SYCP2: variants seen among roughly 807,000 people sequenced by gnomAD.
SYCP2 encodes the protein synaptonemal complex lateral element protein.
SYCP2 carries 55 observed loss-of-function variants against 211.3 expected under a neutral mutation model. The ratio of observed to expected loss-of-function variants is 0.26; its 90% CI spans 0.21 to 0.33. SYCP2 has a LOEUF of 0.33. Among genes scored for constraint, SYCP2 ranks in the 10% least tolerant of loss-of-function variants. The probability of loss-of-function intolerance (pLI) is 1.00; values close to 1 mark genes in which losing one functional copy is unlikely to be tolerated. For missense variants in SYCP2, 1,731 were observed against 1,752.0 expected, an observed-to-expected ratio of 0.99 and a Z score of 0.21; for synonymous variants, 570 against 555.2, an observed-to-expected ratio of 1.03 and a Z score of -0.37.
chr20:59,884,198 T>C (rs1043063709), intron 26 of SYCP2, among the ~76,000 whole-genome samples: 13 of 152,068 alleles, frequency 8.5e-5, no homozygotes, highest in Non-Finnish European at 1.6e-4. Context: ...TCCTTTGTTT[T>C]GGACTCTCAT....
intron 15 of SYCP2, among the ~76,000 whole-genome samples, chr20:59,904,094 G>A (rs914868709): frequency 6.6e-6 from 1 of 152,104 alleles, no homozygotes; most frequent in Non-Finnish European, 1.5e-5. Flanking sequence ...AATGCCTGGA[G>A]TAACAAATAG....
Position 59,866,336 on chromosome 20 carries a change from T to C in SYCP2, c.4277A>G (p.Glu1426Gly). The C allele has an allele frequency of 6.3e-7, 1 of 1,598,170 alleles. No individual in the cohort carries two copies. The highest frequency in any genetic ancestry group is 8.5e-7 in the Non-Finnish European group (1 of 1,173,866). The stretch of plus-strand genomic sequence containing the variant: ...ATCTTTTAAAGACTGTGAATCTTTT[T>C]CAAAATTCTCCAGCTCCTCTATGAT... ...FIIIEELENF[E>G]KDSQSLKDLE... Residue 1426 changes from glutamate (E) to glycine (G), a missense_variant, in exon 41 of 45, where the codon GAA (glutamate) becomes GGA (glycine). This residue lies in a region of SYCP2 where 1,387 missense variants were observed against 1,351.3 expected (regional missense o/e 1.03). Transcript: ENST00000357552.
chr20:59,877,762 G>A (rs973598837), intron 32 of SYCP2, among the ~76,000 whole-genome samples: 2 of 152,012 alleles, frequency 1.3e-5, no homozygotes, highest in African/African-American at 4.8e-5. Context: ...TTAAGTCCCT[G>A]AGAAGCCTGA....
chr20:59,865,403 C>T lies in SYCP2; in HGVS notation c.4500G>A (p.Arg1500=). ...GTTGACTTACCATGTCCTTAAGAAG[C>T]CTGTCTTGCAGCACTTTCATATCTT... ...MKEDMKVLQD[R]LLKDMLEEEL... The change falls in exon 44 of 45, where the codon AGG becomes AGA. Residue 1500 remains arginine, a synonymous_variant. Coordinates refer to ENST00000357552, the MANE Select transcript of SYCP2 (RefSeq NM_014258.4). 6.2e-7 allele frequency: 1 copy of T among 1,609,158 alleles called. No homozygotes were observed. Among genetic ancestry groups the T allele is most frequent in the Non-Finnish European group, 8.5e-7 (1 of 1,177,634 alleles).
chr20:59,869,738 G>A (rs923069779), intron 36 of SYCP2, 60 bp downstream of exon 36: 7 of 927,932 alleles, frequency 7.5e-6, no homozygotes, highest in Non-Finnish European at 1.1e-5. Context: ...TCAGTAATCT[G>A]AGTCTTATAA....
At chr20:59,925,150 CAG>C (rs988294515) in intron 2 of SYCP2, among the ~76,000 whole-genome samples, 2 of 151,978 alleles carry the variant, frequency 1.3e-5, no homozygotes, top group Non-Finnish European at 2.9e-5. Flanking sequence ...ACCTTAAAAT[CAG>C]AAACTCTTGT....
At position 59,915,157 on chromosome 20, in the gene SYCP2, A is replaced by G. The variant is rs2060413059; in HGVS notation, c.634+8T>C. On this transcript the variant is annotated splice_region_variant and intron_variant, in intron 10 of 44. Coordinates refer to ENST00000357552, the MANE Select transcript of SYCP2 (RefSeq NM_014258.4). ...GAATAATTTTAGATTTGGAAAAGAC[A>G]TACTTACCTCCAGCATCTAAAATCC... 2 of 1,552,932 alleles carry G rather than the reference A, an allele frequency of 1.3e-6. No individual in the cohort carries two copies. The highest frequency in any genetic ancestry group is 1.8e-6 in the Non-Finnish European group (2 of 1,127,138).
chr20:59,895,367 A>G, intron 20 of SYCP2, 70 bp downstream of exon 20: 1 of 1,301,434 alleles, frequency 7.7e-7, no homozygotes, highest in Non-Finnish European at 1.1e-6. Flanking sequence ...TTGCAAAAGG[A>G]GTTAGCTCAA....
rs376461462 is a variant in SYCP2 at position 59,922,426 on chromosome 20, T to TAA, written c.-15_-14dup. 2.0e-4 allele frequency: 286 copies of TAA among 1,427,460 alleles called. No individual in the cohort carries two copies. The highest frequency in any genetic ancestry group is 3.2e-4 in the South Asian group (24 of 76,078). 88.4% of individuals were successfully genotyped at this position (1,427,460 alleles called of 1,614,324 possible). ...GTCTTATTGGCATTTTGACTTCATT[T>TAA]AAAAAAAAAAAAAAAGCAAGACAAA... On this transcript the variant is annotated 5_prime_UTR_variant, in exon 3 of 45. Transcript: ENST00000357552.
intron 15 of SYCP2, among the ~76,000 whole-genome samples, chr20:59,902,342 G>A (rs192960640): frequency 1.3e-5 from 2 of 151,966 alleles, no homozygotes; most frequent in Non-Finnish European, 2.9e-5. Flanking sequence ...AGTAAACAGA[G>A]AATACAGCAA....
At chr20:59,919,026 TA>T in intron 7 of SYCP2, 131 bp downstream of exon 7, 1 of 482,226 alleles carries the variant, frequency 2.1e-6, no homozygotes, top group Middle Eastern at 3.9e-4. Flanking sequence ...CCCTTTACAG[TA>T]AAAGTTTGTT....
At chr20:59,933,406 T>G (rs1392502909) in intron 1 of SYCP2, 163 bp downstream of exon 1, 1 of 151,242 alleles carries the variant, frequency 6.6e-6, no homozygotes, top group East Asian at 2.0e-4. Context: ...CTCCGCCCAC[T>G]GCCGCAGAAC....
chr20:59,920,387 G>T lies in SYCP2; in HGVS notation c.269C>A (p.Thr90Lys), dbSNP rs139035681. Residue 90 changes from threonine (T) to lysine (K), a missense_variant, in exon 5 of 45, where the codon ACG becomes AAG. This residue lies in a region of SYCP2 where 335 missense variants were observed against 378.8 expected (regional missense o/e 0.88). Coordinates refer to ENST00000357552, the MANE Select transcript of SYCP2 (RefSeq NM_014258.4). ...ISVLGQAGLL[T>K]MIKQGLIQKM... ...TTGTATTAGTCCTTGTTTTATCATC[G>T]TTAGAAGTCCAGCTTGCCCCAATAC... 1 of 1,608,370 alleles carries T rather than the reference G, an allele frequency of 6.2e-7. No individual in the cohort carries two copies. The highest frequency in any genetic ancestry group is 8.5e-7 in the Non-Finnish European group (1 of 1,176,386).
At position 59,866,596 on chromosome 20, in the gene SYCP2, AAT is replaced by A. The variant is rs766637685; in HGVS notation, c.4126-9_4126-8del. ...TCAACATTTTATGTCGGATCTGAAAAATACTCATTTTTAAGTTAAAATATCTT... is the reference window on the plus strand; with the variant it reads ...TCAACATTTTATGTCGGATCTGAAAAACTCATTTTTAAGTTAAAATATCTT... On this transcript the variant is annotated splice_region_variant and splice_polypyrimidine_tract_variant and intron_variant, in intron 39 of 44. Transcript: ENST00000357552. The A allele has an allele frequency of 6.4e-7, 1 of 1,567,652 alleles. No homozygotes were observed. Among genetic ancestry groups the A allele is most frequent in the Admixed American group, 1.9e-5 (1 of 52,110 alleles).
rs770144840 is a variant in SYCP2 at position 59,869,857 on chromosome 20, G to A, written c.3682C>T (p.Arg1228Trp). ...SDVSSYSSEE[R>W]FMEIESPHIN... The stretch of plus-strand genomic sequence containing the variant: ...TGTGGAGATTCAATTTCCATAAACC[G>A]TTCTTCTGAACTATAACTGCTTACA... The change falls in exon 36 of 45, where the codon CGG (arginine) becomes TGG (tryptophan). Residue 1228 changes from arginine (R) to tryptophan (W), a missense_variant. Around this residue, in one of 3 missense-constraint regions of SYCP2, gnomAD observed 1,387 missense variants for 1,351.3 expected, o/e 1.03. Coordinates refer to ENST00000357552, the MANE Select transcript of SYCP2 (RefSeq NM_014258.4). 1.9e-5 allele frequency: 31 copies of A among 1,607,334 alleles called. No homozygotes were observed. The highest frequency in any genetic ancestry group is 6.7e-5 in the Admixed American group (4 of 59,672).
intron 15 of SYCP2, among the ~76,000 whole-genome samples, chr20:59,903,176 T>G (rs79881743): frequency 1.7e-4 from 26 of 152,262 alleles, no homozygotes; most frequent in African/African-American, 6.3e-4. Context: ...AATGATTGCT[T>G]TGTTGAAATT....
At chr20:59,919,051 G>A (rs2060492908) in intron 7 of SYCP2, 107 bp downstream of exon 7, 2 of 570,780 alleles carry the variant, frequency 3.5e-6, no homozygotes, top group Admixed American at 7.1e-5. Flanking sequence ...CCTTGAATCA[G>A]ATAATGAGTT....
chr20:59,867,986 GTTCC>G (rs2059384129), intron 38 of SYCP2, 139 bp from the exon 39 acceptor site: 1 of 606,134 alleles, frequency 1.6e-6, no homozygotes, highest in South Asian at 2.7e-5. Context: ...AGGCAGAAGA[GTTCC>G]TTATGTTTTT....
In SYCP2 at chr20:59,916,587, A is replaced by AT. The variant is rs765597273; in HGVS notation, c.428-17_428-16insA. The AT allele has an allele frequency of 1.3e-6, 2 of 1,493,798 alleles. No individual in the cohort carries two copies. The highest frequency in any genetic ancestry group is 2.3e-5 in the South Asian group (2 of 88,298). 92.5% of individuals were successfully genotyped at this position (1,493,798 alleles called of 1,614,324 possible). A position where few individuals can be genotyped will look rare whatever the true frequency, so the allele number is the denominator to read the frequency against. Reference sequence around the variant, plus strand: ...TGTTTTTTACCTGAATAAAAGTGTTAAATTATTGATAAATGTTCATTTCAA... The same window carrying AT: ...TGTTTTTTACCTGAATAAAAGTGTTATAATTATTGATAAATGTTCATTTCAA... On this transcript the variant is annotated splice_polypyrimidine_tract_variant and intron_variant, in intron 7 of 44. Coordinates refer to ENST00000357552, the MANE Select transcript of SYCP2 (RefSeq NM_014258.4).
Sources: gnomAD v4.1 joint callset for allele counts (sites outside exome capture counted in the v4.1 genomes callset) on GRCh38, gnomAD v4.1.1 for gene constraint, gnomAD v4.1.1 regional missense constraint, MANE v1.5 for transcripts, NCBI Gene and HGNC (gene_info 2026-07-23, HGNC 2026-07-21) for gene names.